Variants in ABCC9 observed in about 807,000 individuals in gnomAD.
The protein encoded by ABCC9 is ATP binding cassette subfamily C member 9, also known as ATP-binding cassette sub-family C member 9.
In ABCC9, 95 loss-of-function variants were observed where a neutral mutation model predicts 188.3. That is an observed-to-expected ratio of 0.50 (90% CI 0.43 to 0.60). ABCC9 has a LOEUF of 0.60. Among genes scored for constraint, ABCC9 ranks in the 20% least tolerant of loss-of-function variants. The pLI is 0.00. For missense variants in ABCC9, 1,102 were observed against 1,876.3 expected (o/e 0.59, Z 7.62); for synonymous variants, 659 against 652.7 (o/e 1.01, Z -0.15).
At chr12:21,864,498 G>A (rs1945686333) in intron 18 of ABCC9, 21 bp from the exon 19 acceptor site, 1 of 1,548,170 alleles carries the variant, frequency 6.5e-7, no homozygotes, top group African/African-American at 1.4e-5. Flanking sequence ...GGCAAACAAT[G>A]TTCATTAATT....
At chr12:21,870,000 AT>A (rs552039989) in intron 18 of ABCC9, among the ~76,000 whole-genome samples, 80 of 152,296 alleles carry the variant, frequency 5.3e-4, no homozygotes, top group African/African-American at 1.3e-3. Context: ...ATCAAACTAG[AT>A]GTTGAAGATC....
chr12:21,835,963 C>T (rs1944057835), intron 30 of ABCC9, among the ~76,000 whole-genome samples: 1 of 152,156 alleles, frequency 6.6e-6, no homozygotes, highest in Admixed American at 6.6e-5. Context: ...ACTACCTACT[C>T]ATGGAATCAG....
intron 14 of ABCC9, 83 bp downstream of exon 14, chr12:21,893,949 T>G: frequency 2.8e-6 from 4 of 1,419,586 alleles, no homozygotes; most frequent in Non-Finnish European, 3.9e-6. Context: ...AATGTTCTTT[T>G]TTATATTTTT....
At chr12:21,823,502 A>T (rs1444594316) in intron 31 of ABCC9, among the ~76,000 whole-genome samples, 1 of 152,210 alleles carries the variant, frequency 6.6e-6, no homozygotes. Flanking sequence ...CACACAAAAA[A>T]GCAGTGTTGT....
intron 7 of ABCC9, among the ~76,000 whole-genome samples, chr12:21,914,557 GATT>G (rs1229179746): frequency 1.1e-4 from 16 of 152,172 alleles, no homozygotes; most frequent in South Asian, 2.1e-4. Flanking sequence ...TCTCCAAAGT[GATT>G]ATTAGTTGGT....
chr12:21,842,892 C>T (rs1429820659), intron 28 of ABCC9, among the ~76,000 whole-genome samples: 4 of 152,074 alleles, frequency 2.6e-5, no homozygotes, highest in African/African-American at 4.8e-5. Flanking sequence ...ATTGCTTCCT[C>T]GTATCCTTTG....
intron 31 of ABCC9, among the ~76,000 whole-genome samples, chr12:21,825,516 C>A (rs995848747): frequency 7.2e-5 from 11 of 152,124 alleles, no homozygotes; most frequent in South Asian, 2.1e-4. Context: ...AGCTGGAAAC[C>A]ATCATCCTCA....
At chr12:21,911,062 A>T (rs1164680735) in intron 8 of ABCC9, 84 bp from the exon 9 acceptor site, 2 of 1,287,214 alleles carry the variant, frequency 1.6e-6, no homozygotes, top group Non-Finnish European at 2.2e-6. Context: ...TAAAAGATAC[A>T]TAATATTTAA....
chr12:21,932,945 C>T (rs1348749932), intron 4 of ABCC9, among the ~76,000 whole-genome samples: 1 of 142,838 alleles, frequency 7.0e-6, no homozygotes, highest in Non-Finnish European at 1.6e-5. Context: ...ATGTTCATTG[C>T]AGCACTATTC....
intron 39 of ABCC9, among the ~76,000 whole-genome samples, chr12:21,803,238 A>G (rs1941588294): frequency 6.6e-6 from 1 of 152,130 alleles, no homozygotes; most frequent in African/African-American, 2.4e-5. Context: ...TTCCAGAAAA[A>G]TATTAGCTGT....
intron 12 of ABCC9, among the ~76,000 whole-genome samples, 157 bp downstream of exon 12, chr12:21,905,969 C>G (rs984464482): frequency 6.6e-6 from 1 of 152,044 alleles, no homozygotes; most frequent in Non-Finnish European, 1.5e-5. Context: ...TAGATAGCCT[C>G]GTGTGGCTGG....
At chr12:21,843,485 A>G (rs1251113580) in intron 28 of ABCC9, among the ~76,000 whole-genome samples, 1 of 152,166 alleles carries the variant, frequency 6.6e-6, no homozygotes, top group Non-Finnish European at 1.5e-5. Flanking sequence ...ATTGTTGAAC[A>G]TATTTTCTTC....
intron 15 of ABCC9, among the ~76,000 whole-genome samples, 165 bp from the exon 16 acceptor site, chr12:21,883,038 G>A (rs1370455914): frequency 2.0e-5 from 3 of 152,078 alleles, no homozygotes; most frequent in Non-Finnish European, 4.4e-5. Context: ...AAATTCTTAA[G>A]CTATAGTTAA....
chr12:21,849,108 G>A (rs1944833061), intron 24 of ABCC9, among the ~76,000 whole-genome samples: 1 of 151,900 alleles, frequency 6.6e-6, no homozygotes, highest in African/African-American at 2.4e-5. Flanking sequence ...AATGTATTCT[G>A]AATTCTAAAC....
chr12:21,919,611 G>T (rs937930230), intron 5 of ABCC9, among the ~76,000 whole-genome samples: 1 of 151,640 alleles, frequency 6.6e-6, no homozygotes, highest in African/African-American at 2.4e-5. Flanking sequence ...GTCTAATACA[G>T]AAATAAATTT....
At chr12:21,862,450 C>T (rs1013676307) in intron 20 of ABCC9, among the ~76,000 whole-genome samples, 1 of 152,072 alleles carries the variant, frequency 6.6e-6, no homozygotes, top group Admixed American at 6.6e-5. Context: ...GCTTATGGTC[C>T]TAAGACCCAC....
In ABCC9 at chr12:21,905,136, C is replaced by T. The variant is rs989259624; in HGVS notation, c.1618+990G>A. ...AGTTCATGTAGGGACATGGATGAAG[C>T]TGGAAACCATCATTCTCAGCAAACT... On this transcript the variant is annotated intron_variant, in intron 12 of 39. Transcript: ENST00000261200. 2.0e-5 allele frequency among the ~76,000 whole-genome samples: 3 copies of T among 152,108 alleles called. No homozygotes were observed. In the East Asian group the frequency reaches 5.8e-4, roughly 29 times the overall value.
At chr12:21,913,154 C>A in intron 7 of ABCC9, 88 bp from the exon 8 acceptor site, 1 of 1,170,678 alleles carries the variant, frequency 8.5e-7, no homozygotes, top group Non-Finnish European at 1.2e-6. Flanking sequence ...GAAATTCCTT[C>A]TTATACTTCA....
intron 2 of ABCC9, 22 bp from the exon 3 acceptor site, chr12:21,936,716 A>C: frequency 6.4e-7 from 1 of 1,551,068 alleles, no homozygotes; most frequent in Non-Finnish European, 8.9e-7. Flanking sequence ...AGAAATGAGA[A>C]AGAAAAATCC....
Sources: allele counts gnomAD v4.1 joint callset (sites outside exome capture counted in the v4.1 genomes callset), GRCh38; gene constraint gnomAD v4.1.1; transcripts MANE v1.5; gene names NCBI Gene and HGNC (gene_info 2026-07-23, HGNC 2026-07-21).